The following SGCD variants were observed in gnomAD, a reference collection of about 807,000 sequenced individuals.
SGCD encodes sarcoglycan delta.
Under a neutral mutation model 36.6 loss-of-function variants are expected in SGCD, and 18 were observed. The observed-to-expected ratio is 0.49, with a 90% CI of 0.34 to 0.73. The LOEUF (loss-of-function observed/expected upper bound fraction) is 0.73. Ranked by LOEUF, SGCD falls within the 30% of genes least tolerant of loss-of-function variation. SGCD has a pLI of 0.01. For missense variants in SGCD, 387 were observed against 346.7 expected (o/e 1.12, Z -0.92); for synonymous variants, 133 against 130.6 (o/e 1.02, Z -0.12).
intron 3 of SGCD, among the ~76,000 whole-genome samples, chr5:156,487,404 C>T (rs1221505269): frequency 6.6e-6 from 1 of 152,170 alleles, no homozygotes; most frequent in Non-Finnish European, 1.5e-5. Flanking sequence ...TCCACTGTTA[C>T]ACCAGATGTG....
intron 3 of SGCD, among the ~76,000 whole-genome samples, chr5:156,167,475 T>A (rs1763240333): frequency 6.6e-6 from 1 of 152,128 alleles, no homozygotes; most frequent in South Asian, 2.1e-4. Flanking sequence ...ATAGTTTGGA[T>A]GTGTGTCCCC....
chr5:156,749,713 A>C (rs558612393), intron 7 of SGCD, among the ~76,000 whole-genome samples: 2 of 152,190 alleles, frequency 1.3e-5, no homozygotes, highest in Non-Finnish European at 2.9e-5. Context: ...ATGGAAAAAA[A>C]AAGCTAACTT....
rs1365190194 is a variant in SGCD at position 156,070,680 on chromosome 5, T to G, written c.-281-47198T>G. Among the ~76,000 whole-genome samples, 7 of 152,224 alleles carry G rather than the reference T, an allele frequency of 4.6e-5. No homozygotes were observed. The East Asian group carries it at 1.3e-3, about 29-fold the overall frequency. ...TAGGGAGGATTCCCCCTTTTTCTAT[T>G]GATTGGAATAGTTTCAGAAGGAATG... On this transcript the variant is annotated intron_variant, in intron 1 of 9. Coordinates refer to the SGCD transcript ENST00000517913.
At chr5:155,879,221 A>G (rs1190715516) in intron 1 of SGCD, among the ~76,000 whole-genome samples, 1 of 152,192 alleles carries the variant, frequency 6.6e-6, no homozygotes, top group Non-Finnish European at 1.5e-5. Flanking sequence ...TATTCCTTGT[A>G]AATTTCAAAG....
intron 3 of SGCD, among the ~76,000 whole-genome samples, chr5:156,401,322 G>A (rs1399365359): frequency 6.6e-6 from 1 of 152,158 alleles, no homozygotes; most frequent in Non-Finnish European, 1.5e-5. Context: ...AACAATTATT[G>A]GATAGTAAAA....
chr5:155,830,815 CT>C, the SGCD span, among the ~76,000 whole-genome samples: 8 of 152,182 alleles, frequency 5.3e-5, no homozygotes, highest in African/African-American at 1.4e-4. Flanking sequence ...GTTCTTCCCC[CT>C]GATATTACCA....
intron 3 of SGCD, among the ~76,000 whole-genome samples, chr5:156,176,845 A>T (rs964022554): frequency 7.2e-5 from 11 of 152,112 alleles, no homozygotes; most frequent in Admixed American, 2.0e-4. Flanking sequence ...ATCTGCCTTC[A>T]GTTTTGGAAA....
intron 3 of SGCD, among the ~76,000 whole-genome samples, chr5:156,212,546 C>T (rs249882): frequency 0.59 from 89,659 of 151,894 alleles, 26,638 homozygotes; most frequent in East Asian, 0.69. Flanking sequence ...AATACAACAA[C>T]AGTAGAGGAC....
chr5:155,893,674 G>C (rs1261203106), intron 1 of SGCD, among the ~76,000 whole-genome samples: 1 of 152,172 alleles, frequency 6.6e-6, no homozygotes, highest in Non-Finnish European at 1.5e-5. Flanking sequence ...AATAAAATAG[G>C]ACAATAGTTC....
intron 3 of SGCD, among the ~76,000 whole-genome samples, chr5:156,397,590 G>A (rs948293378): frequency 2.6e-5 from 4 of 152,134 alleles, no homozygotes; most frequent in African/African-American, 4.8e-5. Flanking sequence ...GCAGTTGGAC[G>A]TTCACTGTGA....
intron 1 of SGCD, among the ~76,000 whole-genome samples, chr5:155,914,801 G>C (rs1756703785): frequency 6.6e-6 from 1 of 152,130 alleles, no homozygotes; most frequent in African/African-American, 2.4e-5. Flanking sequence ...TTTCTATACT[G>C]TTAATGCTAT....
chr5:155,968,118 C>G (rs1281021484), intron 1 of SGCD, among the ~76,000 whole-genome samples: 1 of 152,014 alleles, frequency 6.6e-6, no homozygotes, highest in Non-Finnish European at 1.5e-5. Flanking sequence ...TTAAAGTGAT[C>G]ATCACTTTCT....
intron 7 of SGCD, among the ~76,000 whole-genome samples, chr5:156,687,771 C>T (rs548115427): frequency 6.6e-6 from 1 of 152,322 alleles, no homozygotes; most frequent in South Asian, 2.1e-4. Context: ...ATGCCATTTA[C>T]TTAGTGCCAG....
intron 1 of SGCD, among the ~76,000 whole-genome samples, chr5:156,097,900 T>C (rs1372014562): frequency 1.3e-5 from 2 of 152,216 alleles, no homozygotes; most frequent in Non-Finnish European, 2.9e-5. Context: ...GGTCAAATTT[T>C]GTGGGCTTTG....
intron 1 of SGCD, among the ~76,000 whole-genome samples, chr5:155,913,233 C>CA (rs1467705909): frequency 2.0e-5 from 3 of 152,060 alleles, no homozygotes; most frequent in African/African-American, 4.8e-5. Flanking sequence ...AATTCTTTTG[C>CA]AAAAAATGCT....
intron 3 of SGCD, among the ~76,000 whole-genome samples, chr5:156,493,174 T>C (rs1756023492): frequency 6.6e-6 from 1 of 152,170 alleles, no homozygotes. Flanking sequence ...ACATGATGTT[T>C]TGATATATTT....
At chr5:156,081,337 C>T (rs554485511) in intron 1 of SGCD, among the ~76,000 whole-genome samples, 100 of 152,284 alleles carry the variant, frequency 6.6e-4, no homozygotes, top group African/African-American at 2.4e-3. Context: ...GGCCCACCTC[C>T]AACACTGGGG....
chr5:155,949,082 TCTC>T (rs1219257223), intron 1 of SGCD, among the ~76,000 whole-genome samples: 2 of 152,140 alleles, frequency 1.3e-5, no homozygotes, highest in Non-Finnish European at 2.9e-5. Context: ...CACTCCTTCT[TCTC>T]TTCCTAAATA....
chr5:156,392,253 T>C (rs1211948799), intron 3 of SGCD, among the ~76,000 whole-genome samples: 1 of 152,282 alleles, frequency 6.6e-6, no homozygotes, highest in East Asian at 1.9e-4. Flanking sequence ...AGAAATAAAG[T>C]GGTGAAGAAT....
Sources: allele counts gnomAD v4.1 joint callset (sites outside exome capture counted in the v4.1 genomes callset), GRCh38; gene constraint gnomAD v4.1.1; transcripts MANE v1.5; gene names NCBI Gene and HGNC (gene_info 2026-07-23, HGNC 2026-07-21).